GLIS3: variants seen among roughly 807,000 people sequenced by gnomAD.
GLIS3 encodes GLIS family zinc finger 3.
In GLIS3, 53 loss-of-function variants were observed where a neutral mutation model predicts 78.6. That is an observed-to-expected ratio of 0.67 (90% CI 0.54 to 0.85). The LOEUF (loss-of-function observed/expected upper bound fraction) is 0.85. Among genes scored for constraint, GLIS3 ranks in the 40% least tolerant of loss-of-function variants. The pLI is 0.00. For missense variants in GLIS3, 1,703 were observed against 1,231.1 expected (o/e 1.38, Z -5.74); for synonymous variants, 684 against 509.9 (o/e 1.34, Z -4.60).
At chr9:3,845,077 G>C (rs1023597447) in intron 9 of GLIS3, among the ~76,000 whole-genome samples, 2 of 152,038 alleles carry the variant, frequency 1.3e-5, no homozygotes, top group South Asian at 2.1e-4. Flanking sequence ...ATATATGTGT[G>C]TGTGTGTGTA....
intron 4 of GLIS3, among the ~76,000 whole-genome samples, chr9:4,059,466 G>A (rs10974308): frequency 0.3 from 45,242 of 152,078 alleles, 7,133 homozygotes; most frequent in East Asian, 0.38. Flanking sequence ...TTCTCAGCCT[G>A]TAACAGGCCA....
At chr9:3,842,153 G>C (rs1451741017) in intron 9 of GLIS3, among the ~76,000 whole-genome samples, 1 of 152,164 alleles carries the variant, frequency 6.6e-6, no homozygotes, top group Non-Finnish European at 1.5e-5. Context: ...AAATCTGTGT[G>C]AGCCAGCCTG....
chr9:4,116,039 C>CA (rs1343310372), intron 4 of GLIS3, among the ~76,000 whole-genome samples: 1 of 152,152 alleles, frequency 6.6e-6, no homozygotes, highest in Non-Finnish European at 1.5e-5. Context: ...TGCACTTCAG[C>CA]AAAAATCAAC....
At chr9:3,975,777 C>T (rs1351132372) in intron 4 of GLIS3, among the ~76,000 whole-genome samples, 1 of 152,102 alleles carries the variant, frequency 6.6e-6, no homozygotes, top group African/African-American at 2.4e-5. Flanking sequence ...ATCAAGCTAT[C>T]ATCATATAAA....
At chr9:4,284,279 T>A (rs1179803061) in intron 2 of GLIS3, among the ~76,000 whole-genome samples, 2 of 152,200 alleles carry the variant, frequency 1.3e-5, no homozygotes, top group Non-Finnish European at 2.9e-5. Flanking sequence ...TATGCTGAGT[T>A]ATGATACAAT....
chr9:4,047,442 G>C (rs1321828999), intron 4 of GLIS3, among the ~76,000 whole-genome samples: 1 of 151,828 alleles, frequency 6.6e-6, no homozygotes, highest in African/African-American at 2.4e-5. Context: ...TACTTTTTTA[G>C]ACCCATATTC....
At chr9:4,286,611 G>A (rs931405243) in intron 1 of GLIS3, 88 bp from the exon 2 acceptor site, 35 of 701,668 alleles carry the variant, frequency 5.0e-5, no homozygotes, top group Non-Finnish European at 2.4e-6. Flanking sequence ...TCATTCATAA[G>A]GAAGAAAAGC....
At chr9:4,297,268 G>C (rs1322409609) in intron 1 of GLIS3, among the ~76,000 whole-genome samples, 3 of 152,178 alleles carry the variant, frequency 2.0e-5, no homozygotes, top group Non-Finnish European at 2.9e-5. Flanking sequence ...CATTTGTCTT[G>C]AGGTCATCTT....
the GLIS3 span, among the ~76,000 whole-genome samples, chr9:4,355,541 T>TCCTA: frequency 6.6e-6 from 1 of 152,146 alleles, no homozygotes; most frequent in African/African-American, 2.4e-5. Flanking sequence ...GGTGCTACTC[T>TCCTA]CCTAGTGACA....
At chr9:3,948,714 G>A (rs1042111731) in intron 4 of GLIS3, among the ~76,000 whole-genome samples, 1 of 152,206 alleles carries the variant, frequency 6.6e-6, no homozygotes, top group East Asian at 1.9e-4. Context: ...ATTATTTAGA[G>A]TAGTTGGCCT....
intron 7 of GLIS3, among the ~76,000 whole-genome samples, chr9:3,889,883 G>C (rs936118758): frequency 6.6e-6 from 1 of 152,226 alleles, no homozygotes; most frequent in African/African-American, 2.4e-5. Flanking sequence ...ATAGTTTGCT[G>C]ATTCTCAGTG....
the GLIS3 span, among the ~76,000 whole-genome samples, chr9:4,460,141 G>T: frequency 3.3e-5 from 5 of 152,196 alleles, no homozygotes; most frequent in East Asian, 1.9e-4. Flanking sequence ...TTGGTGGCTC[G>T]GTGGTGGACC....
At chr9:4,303,989 C>G (rs1273392778), upstream of GLIS3, among the ~76,000 whole-genome samples, 5 of 152,206 alleles carry the variant, frequency 3.3e-5, no homozygotes, top group African/African-American at 9.7e-5. Context: ...CTATAAATGC[C>G]TCTTAATGAC....
the GLIS3 span, among the ~76,000 whole-genome samples, chr9:4,403,183 C>T: frequency 1.3e-5 from 2 of 152,034 alleles, no homozygotes; most frequent in African/African-American, 2.4e-5. Flanking sequence ...AAAATGCTGA[C>T]GGAACATAAC....
rs143614150 is a variant in GLIS3, at chr9:4,045,460, C to G, written c.1710+72308G>C. Among the ~76,000 whole-genome samples the G allele has an allele frequency of 7.2e-5, 11 of 152,000 alleles. No individual in the cohort carries two copies. The East Asian group carries it at 7.7e-4, about 11-fold the overall frequency. Reference sequence around the variant, plus strand: ...AAGCAATTCTCCTTCCTCAGCCTCCCGAGTAGCTGGGATTAGAGGCACACA... The same window carrying G: ...AAGCAATTCTCCTTCCTCAGCCTCCGGAGTAGCTGGGATTAGAGGCACACA... On this transcript the variant is annotated intron_variant, in intron 4 of 10. Coordinates refer to ENST00000381971, the MANE Select transcript of GLIS3 (RefSeq NM_001042413.2).
intron 4 of GLIS3, among the ~76,000 whole-genome samples, chr9:4,007,041 C>G (rs959096214): frequency 1.3e-5 from 2 of 152,148 alleles, no homozygotes; most frequent in East Asian, 3.9e-4. Context: ...GAGACTGACA[C>G]GGAAATTCTT....
At chr9:4,386,043 G>C in the GLIS3 span, among the ~76,000 whole-genome samples, 57 of 152,252 alleles carry the variant, frequency 3.7e-4, no homozygotes, top group African/African-American at 1.3e-3. Context: ...TGGCCAACCA[G>C]TGACAAACTA....
chr9:4,224,949 T>C (rs1471421906), intron 2 of GLIS3, among the ~76,000 whole-genome samples: 1 of 151,996 alleles, frequency 6.6e-6, no homozygotes, highest in African/African-American at 2.4e-5. Flanking sequence ...AGTATCGTTA[T>C]CATTACTACA....
intron 6 of GLIS3, among the ~76,000 whole-genome samples, chr9:3,900,082 G>T (rs923283270): frequency 1.3e-5 from 2 of 151,990 alleles, no homozygotes; most frequent in African/African-American, 4.8e-5. Flanking sequence ...GGGTGAGCCT[G>T]GGGCCTGGGG....
Sources: allele counts gnomAD v4.1 joint callset (sites outside exome capture counted in the v4.1 genomes callset), GRCh38; gene constraint gnomAD v4.1.1; transcripts MANE v1.5; gene names NCBI Gene and HGNC (gene_info 2026-07-23, HGNC 2026-07-21).